Variants in DLG2 observed in about 807,000 individuals in gnomAD.
DLG2 encodes the protein discs large MAGUK scaffold protein 2.
A neutral mutation model predicts 132.5 loss-of-function variants in DLG2; 45 were observed. That is an observed-to-expected ratio of 0.34 (90% CI 0.27 to 0.44). The LOEUF (loss-of-function observed/expected upper bound fraction) is 0.44. DLG2 is among the 20% of genes least tolerant of loss of function. The pLI is 1.00. For missense variants in DLG2, 1,045 were observed against 1,196.9 expected (o/e 0.87, Z 1.87); for synonymous variants, 424 against 419.6 (o/e 1.01, Z -0.13).
intron 6 of DLG2, among the ~76,000 whole-genome samples, chr11:84,957,655 C>T (rs1056954890): frequency 6.6e-6 from 1 of 152,206 alleles, no homozygotes; most frequent in African/African-American, 2.4e-5. Context: ...GAGTTGTTTA[C>T]AAATACATCT....
At chr11:84,338,085 A>G (rs970050839) in intron 7 of DLG2, among the ~76,000 whole-genome samples, 2 of 151,862 alleles carry the variant, frequency 1.3e-5, no homozygotes, top group Admixed American at 1.3e-4. Context: ...CTTGGTACCA[A>G]AAAAAAATAA....
intron 3 of DLG2, among the ~76,000 whole-genome samples, chr11:85,503,694 G>A (rs537911214): frequency 1.3e-5 from 2 of 152,180 alleles, no homozygotes; most frequent in East Asian, 3.9e-4. Context: ...CACCTTGGGA[G>A]CCTAAGGTGG....
chr11:83,682,820 T>A (rs2079058784), intron 18 of DLG2, among the ~76,000 whole-genome samples: 1 of 152,106 alleles, frequency 6.6e-6, no homozygotes, highest in Admixed American at 6.6e-5. Context: ...TGGTATTCAC[T>A]GAATTTATGG....
At chr11:85,018,456 GA>G (rs35012697) in intron 6 of DLG2, among the ~76,000 whole-genome samples, 22,481 of 152,072 alleles carry the variant, frequency 0.15, 1,789 homozygotes, top group South Asian at 0.27. Context: ...AAATCAGTTA[GA>G]AAGCTAATGG....
chr11:84,564,840 T>C (rs2099445342), intron 6 of DLG2, among the ~76,000 whole-genome samples: 1 of 152,226 alleles, frequency 6.6e-6, no homozygotes, highest in African/African-American at 2.4e-5. Flanking sequence ...TTCTTTCCTG[T>C]GTTTGCACAT....
At chr11:83,821,838 T>C (rs540312093) in intron 17 of DLG2, among the ~76,000 whole-genome samples, 12 of 152,262 alleles carry the variant, frequency 7.9e-5, no homozygotes, top group Non-Finnish European at 1.0e-4. Context: ...CTCTACTGAA[T>C]CATTTCCATC....
At chr11:84,064,445 T>C (rs757651267) in intron 10 of DLG2, among the ~76,000 whole-genome samples, 3 of 152,182 alleles carry the variant, frequency 2.0e-5, no homozygotes, top group Non-Finnish European at 4.4e-5. Context: ...CAGATAGATC[T>C]GGGATCTCAC....
intron 18 of DLG2, among the ~76,000 whole-genome samples, chr11:83,731,729 G>A (rs1371175447): frequency 1.3e-5 from 2 of 152,102 alleles, no homozygotes; most frequent in African/African-American, 4.8e-5. Context: ...TTCCACAATG[G>A]TTGAAATAAT....
Position 83,458,038 on chromosome 11 carries a change from G to A in DLG2, c.*1780C>T, listed in dbSNP as rs1322348442. On this transcript the variant is annotated 3_prime_UTR_variant, in exon 28 of 28. Coordinates refer to ENST00000376104, the MANE Select transcript of DLG2 (RefSeq NM_001142699.3). ...GCTCCGATGTTCTTACTGTGAAGAA[G>A]CCCCATCACTCTGATGGCTCTATCT... 1 of 152,590 alleles carries A rather than the reference G, an allele frequency of 6.6e-6. No individual in the cohort carries two copies. Among genetic ancestry groups the A allele is most frequent in the Non-Finnish European group, 1.5e-5 (1 of 68,036 alleles). The allele number at this position is 152,590 out of a possible 1,614,324, so 9.5% of individuals were successfully genotyped here.
intron 6 of DLG2, among the ~76,000 whole-genome samples, chr11:84,797,557 A>C (rs2074807804): frequency 6.6e-6 from 1 of 152,062 alleles, no homozygotes; most frequent in South Asian, 2.1e-4. Context: ...TCAGCTCCAG[A>C]ATTTCTGCTT....
At chr11:84,254,721 C>T (rs2097438229) in intron 7 of DLG2, among the ~76,000 whole-genome samples, 1 of 152,070 alleles carries the variant, frequency 6.6e-6, no homozygotes, top group Non-Finnish European at 1.5e-5. Flanking sequence ...GATGTAGAGT[C>T]TGTGAATGGA....
chr11:84,280,424 A>G (rs1050671092), intron 7 of DLG2, among the ~76,000 whole-genome samples: 2 of 151,778 alleles, frequency 1.3e-5, no homozygotes, highest in Admixed American at 1.3e-4. Flanking sequence ...GCACACCACC[A>G]TGCCCAGCTA....
intron 18 of DLG2, among the ~76,000 whole-genome samples, chr11:83,676,716 C>G (rs1056399583): frequency 2.6e-5 from 4 of 152,248 alleles, no homozygotes; most frequent in African/African-American, 9.6e-5. Context: ...GCCTTTCCAC[C>G]TAGAAAACTA....
intron 21 of DLG2, among the ~76,000 whole-genome samples, chr11:83,504,150 A>G (rs531738699): frequency 1.3e-5 from 2 of 152,362 alleles, no homozygotes; most frequent in African/African-American, 2.4e-5. Flanking sequence ...GGAAATCCTT[A>G]TGACAATTAC....
At chr11:85,197,862 G>A (rs1036390298) in intron 4 of DLG2, among the ~76,000 whole-genome samples, 9 of 152,032 alleles carry the variant, frequency 5.9e-5, no homozygotes, top group Admixed American at 1.3e-4. Flanking sequence ...TTTATTATTC[G>A]CATGGTATTG....
chr11:83,536,160 C>T lies in DLG2; in HGVS notation c.2118-3377G>A, dbSNP rs532218292. Among the ~76,000 whole-genome samples the T allele has an allele frequency of 2.0e-5, 3 of 152,270 alleles. No individual in the cohort carries two copies. In the South Asian group the frequency reaches 6.2e-4, roughly 32 times the overall value. On this transcript the variant is annotated intron_variant, in intron 20 of 27. Transcript: ENST00000376104. ...CCAATGTACCCTTGCATCCCCATCT[C>T]CCTAATGTCCTGAATGCTATGAATA...
intron 6 of DLG2, among the ~76,000 whole-genome samples, chr11:84,595,097 T>G (rs938577438): frequency 1.3e-5 from 2 of 152,156 alleles, no homozygotes; most frequent in East Asian, 1.9e-4. Context: ...ATATTTATTT[T>G]GGGGGTCTCA....
At chr11:85,257,185 G>C (rs1055648698) in intron 4 of DLG2, among the ~76,000 whole-genome samples, 1 of 152,120 alleles carries the variant, frequency 6.6e-6, no homozygotes, top group Non-Finnish European at 1.5e-5. Flanking sequence ...CATTTACTTA[G>C]TTATGGAAAG....
intron 6 of DLG2, among the ~76,000 whole-genome samples, chr11:84,839,255 A>G (rs1024260312): frequency 1.3e-5 from 2 of 152,164 alleles, no homozygotes; most frequent in African/African-American, 4.8e-5. Flanking sequence ...TGCTGCAAAG[A>G]GAATAAAATA....
Sources: gnomAD v4.1 joint callset for allele counts (sites outside exome capture counted in the v4.1 genomes callset) on GRCh38, gnomAD v4.1.1 for gene constraint, MANE v1.5 for transcripts, NCBI Gene and HGNC (gene_info 2026-07-23, HGNC 2026-07-21) for gene names.